Variants in DZIP3 observed in about 807,000 individuals in gnomAD.
The protein encoded by DZIP3 is DAZ interacting zinc finger protein 3.
Under a neutral mutation model 162.0 loss-of-function variants are expected in DZIP3, and 118 were observed. The ratio of observed to expected loss-of-function variants is 0.73; its 90% confidence interval spans 0.63 to 0.85. The LOEUF is 0.85. DZIP3 is among the 40% of genes least tolerant of loss of function. DZIP3 has a pLI of 0.00. For missense variants in DZIP3, 1,331 were observed against 1,407.0 expected, an observed-to-expected ratio of 0.95 and a Z score of 0.86; for synonymous variants, 438 against 458.6, an observed-to-expected ratio of 0.96 and a Z score of 0.57.
chr3:108,596,279 C>A (rs1457552798), intron 1 of DZIP3, among the ~76,000 whole-genome samples: 1 of 152,096 alleles, frequency 6.6e-6, no homozygotes, highest in Non-Finnish European at 1.5e-5. Context: ...GGGGCAGATA[C>A]CTGGATTTCT....
At chr3:108,596,654 C>T (rs1311782018) in intron 1 of DZIP3, among the ~76,000 whole-genome samples, 1 of 152,170 alleles carries the variant, frequency 6.6e-6, no homozygotes, top group African/African-American at 2.4e-5. Flanking sequence ...AATCTACACA[C>T]GGGCTCCCTC....
intron 21 of DZIP3, among the ~76,000 whole-genome samples, chr3:108,663,285 G>A (rs1385252617): frequency 6.6e-6 from 1 of 152,130 alleles, no homozygotes; most frequent in African/African-American, 2.4e-5. Flanking sequence ...GGCCGGATGC[G>A]GTGGCTCATG....
chr3:108,654,567 A>G (rs899128345), intron 19 of DZIP3, among the ~76,000 whole-genome samples: 1 of 152,192 alleles, frequency 6.6e-6, no homozygotes, highest in African/African-American at 2.4e-5. Context: ...GTTGATTACA[A>G]ATGCATTTCT....
intron 10 of DZIP3, among the ~76,000 whole-genome samples, chr3:108,635,207 C>CACT (rs1462956670): frequency 6.6e-6 from 1 of 151,916 alleles, no homozygotes; most frequent in Non-Finnish European, 1.5e-5. Context: ...GTAGGTGATA[C>CACT]ACTACTAGTT....
intron 1 of DZIP3, among the ~76,000 whole-genome samples, chr3:108,600,313 A>G (rs566130818): frequency 1.4e-4 from 22 of 152,090 alleles, no homozygotes; most frequent in African/African-American, 4.8e-4. Context: ...TGCATGTTCA[A>G]GGTGGTGGTA....
chr3:108,677,459 G>T, intron 25 of DZIP3, 38 bp from the exon 26 acceptor site: 6 of 1,531,950 alleles, frequency 3.9e-6, no homozygotes, highest in Non-Finnish European at 5.4e-6. Flanking sequence ...CTTTAAAGTT[G>T]GTTGTTCTCT....
At chr3:108,651,959 T>C (rs1942887985) in intron 18 of DZIP3, among the ~76,000 whole-genome samples, 1 of 151,908 alleles carries the variant, frequency 6.6e-6, no homozygotes, top group Admixed American at 6.6e-5. Context: ...TCAATTGATG[T>C]GATCCACTTG....
In DZIP3 at chr3:108,672,673, G is replaced by A; in HGVS notation, c.2589+17G>A. 1 of 1,603,042 alleles carries A rather than the reference G, an allele frequency of 6.2e-7. No homozygotes were observed. The highest frequency in any genetic ancestry group is 8.5e-7 in the Non-Finnish European group (1 of 1,171,614). ...ACAGCCGAGGTAACAACAAAACGGG[G>A]ACAGGGGTATGGGGTGAGGGGAAAA... On this transcript the variant is annotated intron_variant, in intron 23 of 32. Coordinates refer to ENST00000361582, the MANE Select transcript of DZIP3 (RefSeq NM_014648.4).
In DZIP3 at chr3:108,654,217, A is replaced by G. The variant is rs1269126438; in HGVS notation, c.2106A>G (p.Ile702Met). The stretch of plus-strand genomic sequence containing the variant: ...ATCCACACTCAGTCAGTAGACTTAT[A>G]AAAGATGATGCAAGTGATGTTCAAG... ...QANPHSVSRL[I>M]KDDASDVQED... The change falls in exon 19 of 33, where the codon ATA becomes ATG. Residue 702 changes from isoleucine (I) to methionine (M), a missense_variant. Coordinates refer to ENST00000361582, the MANE Select transcript of DZIP3 (RefSeq NM_014648.4). 4 of 1,613,724 alleles carry G rather than the reference A, an allele frequency of 2.5e-6. 1 individual carries two copies. The Middle Eastern group carries it at 4.9e-4, about 199-fold the overall frequency.
chr3:108,682,360 T>C (rs906523314), intron 26 of DZIP3, among the ~76,000 whole-genome samples: 1 of 151,094 alleles, frequency 6.6e-6, no homozygotes, highest in Non-Finnish European at 1.5e-5. Flanking sequence ...ATTGCTAAGA[T>C]ATGTCATCTA....
At chr3:108,625,185 T>C (rs920041073) in intron 6 of DZIP3, among the ~76,000 whole-genome samples, 10 of 152,160 alleles carry the variant, frequency 6.6e-5, no homozygotes, top group African/African-American at 2.4e-4. Context: ...GAGGCCATTA[T>C]GCCTTTTTCA....
At chr3:108,628,925 T>C in intron 7 of DZIP3, 137 bp from the exon 8 acceptor site, 1 of 545,194 alleles carries the variant, frequency 1.8e-6, no homozygotes, top group East Asian at 3.3e-5. Flanking sequence ...AGAGTGCTAG[T>C]ATTTGTATTT....
intron 7 of DZIP3, among the ~76,000 whole-genome samples, chr3:108,627,888 T>G (rs1388522400): frequency 6.6e-6 from 1 of 152,162 alleles, no homozygotes; most frequent in Non-Finnish European, 1.5e-5. Flanking sequence ...AAGGGAAGTT[T>G]TTTTTTTTTG....
Position 108,644,465 on chromosome 3 carries a change from T to A in DZIP3, c.1443T>A (p.Pro481=). ...TTATAAAACATTTAAATGTGTTCCC[T>A]GCACCCAAAAAAGGATGGAATATGG... ...LALIKHLNVF[P]APKKGWNMEP... is the part of the protein sequence containing the mutation. The change falls in exon 14 of 33, where the codon CCT becomes CCA. Residue 481 remains proline, a synonymous_variant. Transcript: ENST00000361582. 1 of 1,614,022 alleles carries A rather than the reference T, an allele frequency of 6.2e-7. No individual in the cohort carries two copies. Among genetic ancestry groups the A allele is most frequent in the Non-Finnish European group, 8.5e-7 (1 of 1,179,956 alleles).
chr3:108,664,881 C>T (rs1175951207), intron 21 of DZIP3, among the ~76,000 whole-genome samples: 4 of 152,188 alleles, frequency 2.6e-5, no homozygotes, highest in Non-Finnish European at 4.4e-5. Flanking sequence ...TGAACTTGTA[C>T]ATCTCTCGTC....
At chr3:108,686,292 A>G (rs1944495173) in intron 27 of DZIP3, among the ~76,000 whole-genome samples, 153 bp from the exon 28 acceptor site, 1 of 152,250 alleles carries the variant, frequency 6.6e-6, no homozygotes, top group South Asian at 2.1e-4. Flanking sequence ...TAAGTTTAAA[A>G]TAGTTACAAA....
At chr3:108,608,418 A>G (rs1940503487) in intron 3 of DZIP3, among the ~76,000 whole-genome samples, 1 of 152,162 alleles carries the variant, frequency 6.6e-6, no homozygotes, top group Non-Finnish European at 1.5e-5. Context: ...TCATCCAGAA[A>G]TAACCCAACA....
rs371018748 is a variant in DZIP3, at chr3:108,644,630, T to C, written c.1608T>C (p.Ile536=). 1 of 1,613,922 alleles carries C rather than the reference T, an allele frequency of 6.2e-7. No homozygotes were observed. The highest frequency in any genetic ancestry group is 1.3e-5 in the African/African-American group (1 of 74,914). The change falls in exon 14 of 33, where the codon ATT becomes ATC. Residue 536 remains isoleucine (I), a synonymous_variant. Transcript: ENST00000361582. ...CAATTTGGAAAAAAGTTTCAGATAT[T>C]CTTCTGCGCCTTGGGATGATGCAAG... ...FNSIWKKVSD[I]LLRLGMMQED...
At chr3:108,589,623 C>A, upstream of DZIP3, 1 of 365,126 alleles carries the variant, frequency 2.7e-6, no homozygotes, top group East Asian at 4.7e-5. Context: ...AACCCACCCT[C>A]GTCTGAGAGG....
Sources: gnomAD v4.1 joint callset for allele counts (sites outside exome capture counted in the v4.1 genomes callset) on GRCh38, gnomAD v4.1.1 for gene constraint, MANE v1.5 for transcripts, NCBI Gene and HGNC (gene_info 2026-07-23, HGNC 2026-07-21) for gene names.